ADORA2B: variants seen among roughly 807,000 people sequenced by gnomAD.
ADORA2B encodes adenosine receptor A2b.
A neutral mutation model predicts 20.8 loss-of-function variants in ADORA2B; 18 were observed. The observed-to-expected ratio is 0.87, with a 90% confidence interval of 0.60 to 1.29. ADORA2B has a LOEUF of 1.29. Among genes scored for constraint, ADORA2B ranks in the 50% most tolerant of loss-of-function variants. The pLI is 0.00. For missense variants in ADORA2B, 441 were observed against 422.7 expected, an observed-to-expected ratio of 1.04 and a Z score of -0.38; for synonymous variants, 179 against 178.3, an observed-to-expected ratio of 1.00 and a Z score of -0.03.
chr17:15,926,485 G>A, the ADORA2B span, among the ~76,000 whole-genome samples: 2 of 152,040 alleles, frequency 1.3e-5, no homozygotes, highest in Non-Finnish European at 2.9e-5. Context: ...TGTGACAATC[G>A]GGGGAGAGCT....
chr17:15,873,776 C>G, the ADORA2B span, among the ~76,000 whole-genome samples: 284 of 152,066 alleles, frequency 1.9e-3, 2 homozygotes, highest in African/African-American at 6.5e-3. Context: ...GAAAAGGGAA[C>G]GCTTATACAC....
chr17:15,912,452 TC>T, the ADORA2B span, among the ~76,000 whole-genome samples: 1 of 151,942 alleles, frequency 6.6e-6, no homozygotes, highest in Non-Finnish European at 1.5e-5. Flanking sequence ...CACTTTTTCC[TC>T]CCAGGGAAGC....
chr17:15,855,091 G>A, the ADORA2B span, among the ~76,000 whole-genome samples: 31,560 of 151,076 alleles, frequency 0.21, 3,815 homozygotes, highest in Non-Finnish European at 0.28. Context: ...CACCAGACCC[G>A]GCTAATTCTA....
the ADORA2B span, among the ~76,000 whole-genome samples, chr17:15,878,122 A>G: frequency 1.3e-5 from 2 of 151,146 alleles, no homozygotes; most frequent in African/African-American, 4.9e-5. Flanking sequence ...TTTCTCCTGA[A>G]GGATATTAAT....
chr17:15,854,263 A>G, the ADORA2B span, among the ~76,000 whole-genome samples: 1 of 152,210 alleles, frequency 6.6e-6, no homozygotes, highest in African/African-American at 2.4e-5. Flanking sequence ...CCTCAGAGAT[A>G]CATTTAAAAG....
intron 1 of ADORA2B, among the ~76,000 whole-genome samples, chr17:15,964,615 C>CAAAAA (rs372895382): frequency 1.5e-5 from 1 of 66,380 alleles, no homozygotes. Flanking sequence ...GACTCTGTCT[C>CAAAAA]AAAAAAAAAA....
chr17:15,906,965 A>G, the ADORA2B span, among the ~76,000 whole-genome samples: 1 of 152,180 alleles, frequency 6.6e-6, no homozygotes, highest in Admixed American at 6.5e-5. Context: ...CTCTGAGTTT[A>G]AAGACACCCT....
chr17:15,880,941 A>G, the ADORA2B span, among the ~76,000 whole-genome samples: 1 of 152,114 alleles, frequency 6.6e-6, no homozygotes. Flanking sequence ...CTTTTTAAAC[A>G]TTTTTTTAAA....
At chr17:15,974,537 A>C in intron 1 of ADORA2B, 142 bp from the exon 2 acceptor site, 1 of 672,362 alleles carries the variant, frequency 1.5e-6, no homozygotes, top group Non-Finnish European at 2.5e-6. Context: ...TGTCTTTAGT[A>C]TTGAGGGTAA....
In ADORA2B at chr17:15,945,437, T is replaced by TGCCATC; in HGVS notation, c.190_195dup (p.Ala64_Ile65dup). ...CCGTGGGGCTCTTCGCCATCCCCTT[T>TGCCATC]GCCATCACCATCAGCCTGGGCTTCT... On this transcript the variant is annotated inframe_insertion, in exon 1 of 2. Coordinates refer to ENST00000304222, the MANE Select transcript of ADORA2B (RefSeq NM_000676.4). 6.2e-7 allele frequency: 1 copy of TGCCATC among 1,613,734 alleles called. No homozygotes were observed. Among genetic ancestry groups the TGCCATC allele is most frequent in the Non-Finnish European group, 8.5e-7 (1 of 1,179,976 alleles).
chr17:15,876,821 T>C, the ADORA2B span, among the ~76,000 whole-genome samples: 2 of 152,200 alleles, frequency 1.3e-5, no homozygotes, highest in Non-Finnish European at 2.9e-5. Flanking sequence ...TACAGTTCAG[T>C]ATTGTTGAGT....
chr17:15,906,832 T>C, the ADORA2B span, among the ~76,000 whole-genome samples: 1 of 152,256 alleles, frequency 6.6e-6, no homozygotes, highest in African/African-American at 2.4e-5. Context: ...AAAATATTTC[T>C]TCACAAATTC....
chr17:15,877,066 T>C, the ADORA2B span, among the ~76,000 whole-genome samples: 1 of 152,230 alleles, frequency 6.6e-6, no homozygotes, highest in Non-Finnish European at 1.5e-5. Flanking sequence ...ATCCACATTA[T>C]AGCATGTCAG....
At chr17:15,961,106 G>T (rs112437134) in intron 1 of ADORA2B, among the ~76,000 whole-genome samples, 1,728 of 151,550 alleles carry the variant, frequency 0.011, 36 homozygotes, top group African/African-American at 0.039. Flanking sequence ...GGCGGAGCTT[G>T]CAGTGAGCCA....
the ADORA2B span, among the ~76,000 whole-genome samples, chr17:15,905,663 GT>G: frequency 1.3e-5 from 2 of 149,772 alleles, no homozygotes; most frequent in Non-Finnish European, 3.0e-5. Flanking sequence ...CACCCAGCTG[GT>G]TTCTTTTTTA....
upstream of ADORA2B, chr17:15,945,122 C>G: frequency 2.4e-6 from 2 of 841,290 alleles, no homozygotes; most frequent in Non-Finnish European, 3.2e-6. Context: ...GCCCCAGCCC[C>G]GAGGCTCAGA....
At chr17:15,874,316 C>T in the ADORA2B span, among the ~76,000 whole-genome samples, 8 of 151,150 alleles carry the variant, frequency 5.3e-5, no homozygotes, top group African/African-American at 1.7e-4. Context: ...TTTAGAGACT[C>T]ATAAGGGAAA....
At chr17:15,936,329 A>AT in the ADORA2B span, among the ~76,000 whole-genome samples, 1,394 of 145,790 alleles carry the variant, frequency 9.6e-3, 9 homozygotes, top group Non-Finnish European at 0.014. Context: ...TTTTATTTTT[A>AT]TTTTTTTTGA....
the ADORA2B span, among the ~76,000 whole-genome samples, chr17:15,875,630 T>C: frequency 6.6e-6 from 1 of 152,370 alleles, no homozygotes; most frequent in African/African-American, 2.4e-5. Context: ...GTCGCCAGGC[T>C]GGAGTGCTAT....
Sources: gnomAD v4.1 joint callset for allele counts (sites outside exome capture counted in the v4.1 genomes callset) on GRCh38, gnomAD v4.1.1 for gene constraint, MANE v1.5 for transcripts, NCBI Gene and HGNC (gene_info 2026-07-23, HGNC 2026-07-21) for gene names.